Variants in FRYL observed in about 807,000 individuals in gnomAD.
The protein encoded by FRYL is protein furry homolog-like.
In FRYL, 150 loss-of-function variants were observed where a neutral mutation model predicts 351.2. The ratio of observed to expected loss-of-function variants is 0.43; its 90% confidence interval spans 0.37 to 0.49. The LOEUF (loss-of-function observed/expected upper bound fraction) is 0.49, where lower values mean the gene tolerates loss of function less well. Ranked by LOEUF, FRYL falls within the 20% of genes least tolerant of loss-of-function variation. FRYL has a pLI of 0.00. For synonymous variants in FRYL, 1,153 were observed against 1,257.1 expected (o/e 0.92, Z 1.75); for missense variants, 3,036 against 3,619.3 (o/e 0.84, Z 4.13).
chr4:48,687,518 G>T (rs1179673138), intron 2 of FRYL, among the ~76,000 whole-genome samples: 2 of 145,980 alleles, frequency 1.4e-5, no homozygotes, highest in Non-Finnish European at 1.5e-5. Flanking sequence ...GAGGGGGGAG[G>T]GGGGCGGAAA....
At chr4:48,593,241 T>C (rs1436115898) in intron 16 of FRYL, among the ~76,000 whole-genome samples, 1 of 46,850 alleles carries the variant, frequency 2.1e-5, no homozygotes, top group African/African-American at 8.8e-5. Context: ...ACCTTAAATA[T>C]AAACAATGTG....
chr4:48,538,119 C>A (rs1729294565), intron 47 of FRYL, among the ~76,000 whole-genome samples: 1 of 152,120 alleles, frequency 6.6e-6, no homozygotes, highest in Non-Finnish European at 1.5e-5. Flanking sequence ...GGCGAGTAAT[C>A]ATTTTCAAAA....
intron 1 of FRYL, among the ~76,000 whole-genome samples, chr4:48,761,925 T>G (rs1349460117): frequency 6.6e-6 from 1 of 152,176 alleles, no homozygotes; most frequent in Non-Finnish European, 1.5e-5. Context: ...GGCGTATGGC[T>G]ACATCTCTAC....
chr4:48,664,373 A>T (rs1761360012), intron 3 of FRYL, among the ~76,000 whole-genome samples: 1 of 152,256 alleles, frequency 6.6e-6, no homozygotes, highest in African/African-American at 2.4e-5. Flanking sequence ...AGAAAATAGT[A>T]CACTGATAGT....
At chr4:48,761,341 G>A (rs1174930604) in intron 1 of FRYL, among the ~76,000 whole-genome samples, 1 of 152,104 alleles carries the variant, frequency 6.6e-6, no homozygotes, top group African/African-American at 2.4e-5. Context: ...ATCAACGACT[G>A]ATTATAATTG....
intron 1 of FRYL, among the ~76,000 whole-genome samples, chr4:48,711,478 A>C (rs1354534688): frequency 2.0e-5 from 3 of 152,246 alleles, no homozygotes; most frequent in Non-Finnish European, 4.4e-5. Flanking sequence ...CAGCAGTCTG[A>C]GATCAAACTG....
At chr4:48,531,109 AT>A (rs755401686) in intron 50 of FRYL, 46 bp downstream of exon 50, 20 of 1,187,390 alleles carry the variant, frequency 1.7e-5, no homozygotes, top group Non-Finnish European at 2.5e-5. Context: ...AAATAAACAA[AT>A]GAAAATTCCT....
At chr4:48,507,703 A>AAGATGAT (rs1553913542) in intron 59 of FRYL, among the ~76,000 whole-genome samples, 28 of 151,772 alleles carry the variant, frequency 1.8e-4, no homozygotes, top group African/African-American at 6.5e-4. Flanking sequence ...ACAGTTTTCA[A>AAGATGAT]AGATAGATAG....
At chr4:48,637,917 A>G (rs1322447299) in intron 3 of FRYL, 1 of 152,116 alleles carries the variant, frequency 6.6e-6, no homozygotes, top group Admixed American at 6.6e-5. Context: ...TAACTCTTAC[A>G]ATTAGGTGTG....
chr4:48,524,321 C>T (rs566025320), intron 53 of FRYL, among the ~76,000 whole-genome samples: 14 of 151,948 alleles, frequency 9.2e-5, no homozygotes, highest in African/African-American at 3.1e-4. Context: ...GAATCTGTCC[C>T]GGCTGTTTCT....
intron 19 of FRYL, among the ~76,000 whole-genome samples, chr4:48,584,008 A>G (rs1484285757): frequency 6.6e-6 from 1 of 152,218 alleles, no homozygotes. Flanking sequence ...CTGCTTTTAA[A>G]TACATCAAAA....
chr4:48,541,965 A>G, intron 45 of FRYL, 62 bp downstream of exon 45: 4 of 1,077,036 alleles, frequency 3.7e-6, no homozygotes, highest in Non-Finnish European at 4.3e-6. Flanking sequence ...TAAAAGTTAT[A>G]GCTATATGTA....
chr4:48,774,333 A>C (rs1775803728), intron 1 of FRYL, among the ~76,000 whole-genome samples: 2 of 152,170 alleles, frequency 1.3e-5, no homozygotes, highest in Admixed American at 6.5e-5. Flanking sequence ...AAACTGCTGC[A>C]TTATGGTCAA....
At chr4:48,538,256 TA>T (rs1227850466) in intron 47 of FRYL, among the ~76,000 whole-genome samples, 1 of 152,176 alleles carries the variant, frequency 6.6e-6, no homozygotes, top group Non-Finnish European at 1.5e-5. Flanking sequence ...CCATTTTTAT[TA>T]AAGAAACGAA....
At chr4:48,631,354 A>G (rs994956430) in intron 4 of FRYL, among the ~76,000 whole-genome samples, 35 of 152,310 alleles carry the variant, frequency 2.3e-4, no homozygotes, top group African/African-American at 6.5e-4. Context: ...AAAATTAACT[A>G]TTAAATAAAT....
At chr4:48,521,649 T>C (rs1035646525) in intron 54 of FRYL, among the ~76,000 whole-genome samples, 3 of 152,218 alleles carry the variant, frequency 2.0e-5, no homozygotes, top group African/African-American at 7.2e-5. Context: ...AGATCTGCAA[T>C]AACCATACTT....
chr4:48,548,908 T>A, intron 39 of FRYL, 115 bp from the exon 40 acceptor site: 3 of 607,342 alleles, frequency 4.9e-6, no homozygotes, highest in African/African-American at 1.9e-5. Context: ...AAATACAACT[T>A]ATCAAGGAAA....
intron 1 of FRYL, among the ~76,000 whole-genome samples, chr4:48,744,677 A>G (rs1165897051): frequency 6.6e-6 from 1 of 152,238 alleles, no homozygotes; most frequent in Non-Finnish European, 1.5e-5. Context: ...AAACTACAGA[A>G]CTAAAATCTT....
chr4:48,539,937 T>A (rs780389470), intron 47 of FRYL, 34 bp downstream of exon 47: 1 of 1,450,668 alleles, frequency 6.9e-7, no homozygotes. Flanking sequence ...ATAATTTCCC[T>A]ATAGTGTTAC....
Sources: allele counts gnomAD v4.1 joint callset (sites outside exome capture counted in the v4.1 genomes callset), GRCh38; gene constraint gnomAD v4.1.1; transcripts MANE v1.5; gene names NCBI Gene and HGNC (gene_info 2026-07-23, HGNC 2026-07-21).